GREB1: variants seen among roughly 807,000 people sequenced by gnomAD.
GREB1 encodes the protein growth regulating estrogen receptor binding 1, also known as protein GREB1.
In GREB1, 106 loss-of-function variants were observed where a neutral mutation model predicts 200.7. The ratio of observed to expected loss-of-function variants is 0.53; its 90% CI spans 0.45 to 0.62. GREB1 has a LOEUF of 0.62. Ranked by LOEUF, GREB1 falls within the 20% of genes least tolerant of loss-of-function variation. The pLI, the probability that GREB1 is intolerant of heterozygous loss-of-function variation, is 0.00. For synonymous variants in GREB1, 1,132 were observed against 1,092.4 expected (o/e 1.04, Z -0.72); for missense variants, 2,243 against 2,556.8 (o/e 0.88, Z 2.65).
rs1418356810 is a variant in GREB1, at chr2:11,493,159, A to G, written c.-159+10778A>G. 1.3e-5 allele frequency among the ~76,000 whole-genome samples: 2 copies of G among 152,194 alleles called. No individual in the cohort carries two copies. The highest frequency in any genetic ancestry group is 2.9e-5 in the Non-Finnish European group (2 of 68,026). Reference sequence around the variant, plus strand: ...TAAGCCTCCACTTCATGTTGTCCATAGGCTTGTGGAAACTGCGACATGAAG... The same window carrying G: ...TAAGCCTCCACTTCATGTTGTCCATGGGCTTGTGGAAACTGCGACATGAAG... On this transcript the variant is annotated intron_variant, in intron 1 of 2. Coordinates refer to the GREB1 transcript ENST00000628795. The surrounding 1 kb of genome is among the most constrained non-coding windows in gnomAD (Gnocchi z 4.6).
Position 11,640,489 on chromosome 2 carries a change from G to A in GREB1, c.*35G>A. 2 of 1,610,250 alleles carry A rather than the reference G, an allele frequency of 1.2e-6. No individual in the cohort carries two copies. Among genetic ancestry groups the A allele is most frequent in the Non-Finnish European group, 1.7e-6 (2 of 1,177,278 alleles). ...CGGCGAGTTTTCTGAAGAGATGAGT[G>A]CTCAGAGCCCTCATGCTGTTGAGGC... On this transcript the variant is annotated 3_prime_UTR_variant, in exon 33 of 33. Transcript: ENST00000381486. The surrounding 1 kb of genome is among the most constrained non-coding windows in gnomAD (Gnocchi z 4.6).
chr2:11,555,403 G>A (rs1252114065), intron 1 of GREB1, among the ~76,000 whole-genome samples: 1 of 152,168 alleles, frequency 6.6e-6, no homozygotes, highest in Non-Finnish European at 1.5e-5. Context: ...CAAGAGGGTT[G>A]AGCGAAATGC....
rs1018763200 is a variant in GREB1, at chr2:11,580,497, C to T, written c.773-207C>T. On this transcript the variant is annotated intron_variant, in intron 6 of 32. Transcript: ENST00000381486. The surrounding 1 kb of genome is among the most constrained non-coding windows in gnomAD (Gnocchi z 4.5). ...AGGCAGAAGTGTGTATGTGTGTACA[C>T]GTGCATGGGGGTGTGTGTGTGTATG... is the stretch of plus-strand genomic sequence containing the variant. Among the ~76,000 whole-genome samples the T allele has an allele frequency of 1.2e-4, 18 of 151,978 alleles. No homozygotes were observed. Among genetic ancestry groups the T allele is most frequent in the African/African-American group, 3.4e-4 (14 of 41,362 alleles).
chr2:11,544,123 G>A (rs780634923), intron 1 of GREB1, among the ~76,000 whole-genome samples: 2 of 152,186 alleles, frequency 1.3e-5, no homozygotes, highest in Non-Finnish European at 2.9e-5. Flanking sequence ...AACAGGTGGA[G>A]TGAAGGGACC....
At chr2:11,552,988 C>A (rs1334495602) in intron 1 of GREB1, among the ~76,000 whole-genome samples, 2 of 132,520 alleles carry the variant, frequency 1.5e-5, no homozygotes, top group Non-Finnish European at 3.0e-5. Flanking sequence ...CCAGCCTGGG[C>A]GACAGAGCGA....
intron 30 of GREB1, among the ~76,000 whole-genome samples, chr2:11,636,773 G>A (rs372016758): frequency 7.4e-6 from 1 of 135,720 alleles, no homozygotes; most frequent in African/African-American, 2.6e-5. Context: ...GGCAGGGGCA[G>A]GGGCAGGGGC....
At chr2:11,621,401 A>G (rs1684003600) in intron 23 of GREB1, among the ~76,000 whole-genome samples, 1 of 152,214 alleles carries the variant, frequency 6.6e-6, no homozygotes, top group African/African-American at 2.4e-5. Context: ...TGCCTCTGCA[A>G]AGCAGACTTA....
intron 12 of GREB1, 66 bp from the exon 13 acceptor site, chr2:11,596,045 G>A: frequency 1.3e-6 from 2 of 1,509,550 alleles, no homozygotes; most frequent in East Asian, 4.5e-5. Context: ...GACACTAACT[G>A]CGCTGTAGAT....
intron 1 of GREB1, among the ~76,000 whole-genome samples, chr2:11,544,417 C>T (rs753520501): frequency 2.6e-5 from 4 of 152,044 alleles, no homozygotes; most frequent in Non-Finnish European, 4.4e-5. Flanking sequence ...AGGGTTTCAC[C>T]GTGCTAGCCA....
At chr2:11,486,285 A>G (rs1672653221) in intron 1 of GREB1, among the ~76,000 whole-genome samples, 1 of 152,136 alleles carries the variant, frequency 6.6e-6, no homozygotes, top group African/African-American at 2.4e-5. Flanking sequence ...TTCTGGACAT[A>G]CACATATATT....
chr2:11,609,242 T>TTTTATTTATTTATTTATTTA (rs60473726), intron 17 of GREB1, among the ~76,000 whole-genome samples: 40 of 136,920 alleles, frequency 2.9e-4, no homozygotes, highest in East Asian at 1.3e-3. Context: ...GGCATTATTA[T>TTTTATTTATTTATTTATTTA]TTTATTTATT....
At chr2:11,616,123 C>A (rs1683379699) in intron 20 of GREB1, among the ~76,000 whole-genome samples, 1 of 152,244 alleles carries the variant, frequency 6.6e-6, no homozygotes, top group South Asian at 2.1e-4. Flanking sequence ...TCTTTAGTTT[C>A]ACCATCTGCT....
At chr2:11,586,375 G>A (rs186210371) in intron 9 of GREB1, among the ~76,000 whole-genome samples, 51 of 152,356 alleles carry the variant, frequency 3.3e-4, no homozygotes, top group Admixed American at 2.4e-3. Context: ...AAAGATAGCC[G>A]TGGTCACCAC....
intron 17 of GREB1, among the ~76,000 whole-genome samples, chr2:11,605,521 G>A (rs1040218851): frequency 9.2e-5 from 14 of 152,104 alleles, no homozygotes; most frequent in Non-Finnish European, 1.9e-4. Flanking sequence ...ACCGTGCCCG[G>A]CTGTGCATAT....
rs150579529 is a variant in GREB1 at position 11,540,134 on chromosome 2, G to A, written c.-162+5880G>A. On this transcript the variant is annotated intron_variant, in intron 1 of 32. Transcript: ENST00000381486. Reference sequence around the variant, plus strand: ...GTACGGTTTATTTGACTTTGCAAGCGAGCACCTGCTTTGGGGGTTGGAGAG... The same window carrying A: ...GTACGGTTTATTTGACTTTGCAAGCAAGCACCTGCTTTGGGGGTTGGAGAG... The A allele has an allele frequency of 1.7e-3, 258 of 152,460 alleles. 7 individuals carry two copies. The highest frequency in any genetic ancestry group is 0.016 in the Admixed American group (241 of 15,298). 9.4% of individuals were successfully genotyped at this position (152,460 alleles called of 1,614,324 possible). A position where few individuals can be genotyped will look rare whatever the true frequency, so the allele number is the denominator to read the frequency against.
At chr2:11,553,505 A>G (rs772928361) in intron 1 of GREB1, among the ~76,000 whole-genome samples, 1 of 149,868 alleles carries the variant, frequency 6.7e-6, no homozygotes, top group Non-Finnish European at 1.5e-5. Context: ...CAAACAAAAA[A>G]CCCCACTTTT....
Position 11,576,361 on chromosome 2 carries a change from G to A in GREB1, c.463G>A (p.Gly155Arg). ...TTTACTTCCTTCTCCAGGTTTCTCT[G>A]GGAATTGTGTTGGCTGTGGAAAGAA... is the stretch of plus-strand genomic sequence containing the variant. ...NGHNALLGFS[G>R]NCVGCGKKGF... Residue 155 changes from glycine (G) to arginine (R), a missense_variant, in exon 5 of 33, where the codon GGG becomes AGG. Gly to Arg is a moderately radical substitution (Grantham distance 125). Around this residue, in one of 3 missense-constraint regions of GREB1, gnomAD observed 1,178 missense variants for 1,387.4 expected, o/e 0.85. Transcript: ENST00000381486. The A allele has an allele frequency of 6.2e-7, 1 of 1,607,682 alleles. No homozygotes were observed. Among genetic ancestry groups the A allele is most frequent in the African/African-American group, 1.3e-5 (1 of 74,594 alleles).
At chr2:11,628,090 G>C (rs1204879421) in intron 25 of GREB1, among the ~76,000 whole-genome samples, 1 of 152,168 alleles carries the variant, frequency 6.6e-6, no homozygotes, top group Non-Finnish European at 1.5e-5. Flanking sequence ...AAAATGCCTG[G>C]TGGGCACTGT....
chr2:11,509,786 G>A (rs911774001), intron 1 of GREB1, among the ~76,000 whole-genome samples: 14 of 152,160 alleles, frequency 9.2e-5, no homozygotes, highest in Admixed American at 1.3e-4. Context: ...AAGCAGAGAC[G>A]GAGCCCTCAC....
Sources: gnomAD v4.1 joint callset for allele counts (sites outside exome capture counted in the v4.1 genomes callset) on GRCh38, gnomAD v4.1.1 for gene constraint, gnomAD v4.1.1 regional missense constraint, Gnocchi (gnomAD v3.1) non-coding constraint, MANE v1.5 for transcripts, NCBI Gene and HGNC (gene_info 2026-07-23, HGNC 2026-07-21) for gene names.